SPMIP2: variants seen among roughly 807,000 people sequenced by gnomAD.
SPMIP2 encodes sperm microtubule inner protein 2.
At chr4:159,079,153 G>C in the SPMIP2 span, among the ~76,000 whole-genome samples, 8 of 151,738 alleles carry the variant, frequency 5.3e-5, no homozygotes, top group East Asian at 1.2e-3. Context: ...ATAATAACTG[G>C]AAACTTTAAA....
the SPMIP2 span, among the ~76,000 whole-genome samples, chr4:158,918,487 CTA>C: frequency 1.3e-5 from 2 of 152,216 alleles, no homozygotes; most frequent in Admixed American, 1.3e-4. Flanking sequence ...CAAGGGAAAA[CTA>C]TTTCATGCAA....
the SPMIP2 span, among the ~76,000 whole-genome samples, chr4:158,925,822 G>A: frequency 6.6e-6 from 1 of 152,212 alleles, no homozygotes; most frequent in South Asian, 2.1e-4. Flanking sequence ...ACCATACACT[G>A]AGTGGCTTAT....
chr4:159,003,743 T>C, the SPMIP2 span, among the ~76,000 whole-genome samples: 3 of 152,148 alleles, frequency 2.0e-5, no homozygotes, highest in Admixed American at 2.0e-4. Flanking sequence ...TCCTTCCCAT[T>C]ATCAAGGTAG....
At chr4:158,909,074 C>T in the SPMIP2 span, among the ~76,000 whole-genome samples, 1 of 152,168 alleles carries the variant, frequency 6.6e-6, no homozygotes, top group African/African-American at 2.4e-5. Context: ...TTTTAAATTA[C>T]AGTATAATAG....
the SPMIP2 span, among the ~76,000 whole-genome samples, chr4:158,996,002 CTT>C: frequency 6.6e-6 from 1 of 151,886 alleles, no homozygotes; most frequent in Non-Finnish European, 1.5e-5. Flanking sequence ...TGTCTTGTCT[CTT>C]TGCTTGACAG....
chr4:159,035,242 C>T, the SPMIP2 span: 1 of 630,182 alleles, frequency 1.6e-6, no homozygotes, highest in East Asian at 2.7e-5. Context: ...CTCTTTATGA[C>T]AGGGAGATAG....
chr4:159,023,374 A>ACCAC, the SPMIP2 span, among the ~76,000 whole-genome samples: 1 of 152,182 alleles, frequency 6.6e-6, no homozygotes, highest in Non-Finnish European at 1.5e-5. Context: ...GTGGAACTGT[A>ACCAC]CCACCGGCAT....
chr4:158,953,440 A>G, the SPMIP2 span, among the ~76,000 whole-genome samples: 1 of 152,202 alleles, frequency 6.6e-6, no homozygotes, highest in Non-Finnish European at 1.5e-5. Context: ...GTTTCAGAAG[A>G]TACATGGAAA....
At chr4:159,007,275 A>C in the SPMIP2 span, 2 of 1,166,008 alleles carry the variant, frequency 1.7e-6, no homozygotes, top group Admixed American at 1.8e-5. Context: ...GTACTGCCTC[A>C]ATGTGGCTGA....
At chr4:158,963,263 G>C in the SPMIP2 span, among the ~76,000 whole-genome samples, 2 of 146,428 alleles carry the variant, frequency 1.4e-5, no homozygotes, top group South Asian at 2.2e-4. Flanking sequence ...AGGTATTACT[G>C]TTATCCTGTA....
the SPMIP2 span, among the ~76,000 whole-genome samples, chr4:158,899,743 T>C: frequency 1.3e-5 from 2 of 152,242 alleles, no homozygotes; most frequent in Non-Finnish European, 2.9e-5. Flanking sequence ...TTCTCTTCTT[T>C]CTTCTTTATT....
At chr4:158,926,903 G>A in the SPMIP2 span, among the ~76,000 whole-genome samples, 2 of 152,190 alleles carry the variant, frequency 1.3e-5, no homozygotes, top group South Asian at 2.1e-4. Flanking sequence ...TGGATACAAT[G>A]TTCACCATTT....
At chr4:158,973,948 T>G in the SPMIP2 span, among the ~76,000 whole-genome samples, 1 of 125,078 alleles carries the variant, frequency 8.0e-6, no homozygotes, top group Non-Finnish European at 1.5e-5. Flanking sequence ...ACTGTGCCAC[T>G]GCACTCCAGC....
the SPMIP2 span, among the ~76,000 whole-genome samples, chr4:158,899,012 G>A: frequency 2.6e-5 from 4 of 152,168 alleles, no homozygotes; most frequent in African/African-American, 4.8e-5. Flanking sequence ...TTTGGGATAC[G>A]TTCCCTCAAT....
the SPMIP2 span, among the ~76,000 whole-genome samples, chr4:159,020,551 C>A: frequency 6.6e-6 from 1 of 152,122 alleles, no homozygotes; most frequent in African/African-American, 2.4e-5. Context: ...GCCCCTGGGC[C>A]GGTTAGAGGT....
chr4:159,057,941 C>T, the SPMIP2 span, among the ~76,000 whole-genome samples: 2 of 152,086 alleles, frequency 1.3e-5, no homozygotes, highest in Non-Finnish European at 2.9e-5. Flanking sequence ...CTCGGCTCAC[C>T]GCAGCCTCAA....
At chr4:159,007,033 C>T in the SPMIP2 span, 21 of 431,810 alleles carry the variant, frequency 4.9e-5, no homozygotes, top group East Asian at 8.5e-4. Flanking sequence ...GTTTTGATGC[C>T]GGCAGTATTT....
the SPMIP2 span, among the ~76,000 whole-genome samples, chr4:159,081,180 G>A: frequency 6.6e-6 from 1 of 151,858 alleles, no homozygotes; most frequent in Non-Finnish European, 1.5e-5. Context: ...TGGGATTACA[G>A]GTGCGCACCA....
the SPMIP2 span, among the ~76,000 whole-genome samples, chr4:159,032,095 G>A: frequency 3.3e-5 from 5 of 151,952 alleles, no homozygotes; most frequent in African/African-American, 4.8e-5. Flanking sequence ...GGTGGCTCAC[G>A]TCTGTAATTC....
Sources: allele counts gnomAD v4.1 joint callset (sites outside exome capture counted in the v4.1 genomes callset), GRCh38; gene constraint gnomAD v4.1.1; transcripts MANE v1.5; gene names NCBI Gene and HGNC (gene_info 2026-07-23, HGNC 2026-07-21).